Variants in CUX1 observed in about 807,000 individuals in gnomAD.
CUX1 encodes the protein cut like homeobox 1.
CUX1 carries 31 observed loss-of-function variants against 158.8 expected under a neutral mutation model. That is an observed-to-expected ratio of 0.20 (90% CI 0.15 to 0.26). The LOEUF is 0.26. Ranked by LOEUF, CUX1 falls within the 10% of genes least tolerant of loss-of-function variation. CUX1 has a pLI of 1.00. For missense variants in CUX1, 1,589 were observed against 2,014.6 expected, an observed-to-expected ratio of 0.79 and a Z score of 4.04; for synonymous variants, 879 against 862.1, an observed-to-expected ratio of 1.02 and a Z score of -0.34.
At chr7:102,157,813 A>G (rs1789943001) in intron 8 of CUX1, among the ~76,000 whole-genome samples, 1 of 152,138 alleles carries the variant, frequency 6.6e-6, no homozygotes, top group Non-Finnish European at 1.5e-5. Context: ...CACTCTCCGC[A>G]TTCCTCTCTC....
intron 3 of CUX1, among the ~76,000 whole-genome samples, chr7:102,031,778 G>A (rs1820821406): frequency 6.6e-6 from 1 of 152,078 alleles, no homozygotes; most frequent in Non-Finnish European, 1.5e-5. Context: ...TCTTTTTCAT[G>A]TGTGTGGCAG....
intron 8 of CUX1, among the ~76,000 whole-genome samples, chr7:102,130,166 G>T (rs947906617): frequency 6.6e-6 from 1 of 152,158 alleles, no homozygotes; most frequent in Non-Finnish European, 1.5e-5. Context: ...CTTTCAGCCA[G>T]TGCTGAGTTC....
intron 20 of CUX1, among the ~76,000 whole-genome samples, chr7:102,215,748 G>T (rs1796984950): frequency 6.6e-6 from 1 of 152,222 alleles, no homozygotes; most frequent in Admixed American, 6.5e-5. Flanking sequence ...GTGGAAGACA[G>T]GAGGCACCCC....
intron 6 of CUX1, among the ~76,000 whole-genome samples, chr7:102,107,244 A>C (rs782119094): frequency 1.3e-5 from 2 of 149,332 alleles, no homozygotes; most frequent in African/African-American, 5.0e-5. Flanking sequence ...AAAAAAGAAA[A>C]GAAAAGAAAA....
Position 102,157,089 on chromosome 7 carries a change from G to A in CUX1, c.675-1471G>A, listed in dbSNP as rs151178672. ...TGCCGAGGAAGGCCTGGCTCTTTGG[G>A]GTCCCGCACGAGATGGGAGTTGTTA... On this transcript the variant is annotated intron_variant, in intron 8 of 23. Coordinates refer to ENST00000292535, the MANE Select transcript of CUX1 (RefSeq NM_181552.4). 4.5e-4 allele frequency among the ~76,000 whole-genome samples: 68 copies of A among 152,318 alleles called. No individual in the cohort carries two copies. In the East Asian group the frequency reaches 9.8e-3, roughly 22 times the overall value.
chr7:102,251,079 G>C lies in CUX1; in HGVS notation c.*2037G>C. ...AGGGATAGACTGCCGGCAGTATTGG[G>C]TATAATTTACAAGATGTAGTTGTCA... On this transcript the variant is annotated 3_prime_UTR_variant, in exon 24 of 24. Coordinates refer to ENST00000292535, the MANE Select transcript of CUX1 (RefSeq NM_181552.4). The C allele has an allele frequency of 5.1e-6, 5 of 985,194 alleles. No homozygotes were observed. Among genetic ancestry groups the C allele is most frequent in the African/African-American group, 1.7e-5 (1 of 57,288 alleles). 61.0% of individuals were successfully genotyped at this position (985,194 alleles called of 1,614,324 possible).
At chr7:102,260,985 T>G (rs78295173), downstream of CUX1, among the ~76,000 whole-genome samples, 1,063 of 152,352 alleles carry the variant, frequency 7.0e-3, 13 homozygotes, top group African/African-American at 0.024. Context: ...TGGGCCTGCA[T>G]GTACGGACCC....
intron 9 of CUX1, among the ~76,000 whole-genome samples, chr7:102,159,207 CGGTGTTAT>C (rs1790130735): frequency 1.3e-5 from 2 of 151,156 alleles, no homozygotes; most frequent in Non-Finnish European, 3.0e-5. Flanking sequence ...CATCTCACCA[CGGTGTTAT>C]CCTAGGAGAG....
chr7:102,182,861 T>G (rs1479192792), intron 11 of CUX1, among the ~76,000 whole-genome samples: 5 of 152,174 alleles, frequency 3.3e-5, no homozygotes, highest in Non-Finnish European at 7.4e-5. Context: ...AAATAGATAT[T>G]TATAAGAAAG....
intron 4 of CUX1, among the ~76,000 whole-genome samples, chr7:102,092,035 C>T (rs780896168): frequency 6.6e-6 from 1 of 152,238 alleles, no homozygotes; most frequent in African/African-American, 2.4e-5. Context: ...GGATTACAGG[C>T]GTGCGCCATG....
chr7:101,910,799 T>C (rs1803346658), intron 1 of CUX1, among the ~76,000 whole-genome samples: 1 of 151,598 alleles, frequency 6.6e-6, no homozygotes, highest in African/African-American at 2.4e-5. Flanking sequence ...GTTATTTAAA[T>C]ACTTATTTGG....
chr7:101,820,034 A>G (rs756830841), intron 1 of CUX1, among the ~76,000 whole-genome samples: 1 of 152,226 alleles, frequency 6.6e-6, no homozygotes, highest in Non-Finnish European at 1.5e-5. Context: ...CTGTTTTTGT[A>G]CAATTAAGAC....
intron 4 of CUX1, among the ~76,000 whole-genome samples, chr7:102,093,357 T>C (rs1554482967): frequency 6.6e-6 from 1 of 152,144 alleles, no homozygotes; most frequent in African/African-American, 2.4e-5. Flanking sequence ...GGCTAATTTT[T>C]GTATTTTTTC....
Position 102,253,856 on chromosome 7 carries a change from T to C in CUX1, c.*4814T>C, listed in dbSNP as rs1379027030. ...TGGTACTTTAGGCTGGAGGTTTGGC[T>C]CCTGTGCTGCCGGTGGGGGGCCCTG... On this transcript the variant is annotated 3_prime_UTR_variant, in exon 24 of 24. Coordinates refer to ENST00000292535, the MANE Select transcript of CUX1 (RefSeq NM_181552.4). The C allele has an allele frequency of 8.1e-6, 8 of 985,742 alleles. No homozygotes were observed. Among genetic ancestry groups the C allele is most frequent in the Non-Finnish European group, 9.6e-6 (8 of 830,304 alleles). The allele number at this position is 985,742 out of a possible 1,614,324, so 61.1% of individuals were successfully genotyped here. A position where few individuals can be genotyped will look rare whatever the true frequency, so the allele number is the denominator to read the frequency against.
intron 1 of CUX1, among the ~76,000 whole-genome samples, chr7:101,829,563 C>G (rs1446877317): frequency 6.6e-6 from 1 of 152,036 alleles, no homozygotes; most frequent in Non-Finnish European, 1.5e-5. Flanking sequence ...CTAGACAACC[C>G]TCAGCCGAAG....
At chr7:101,986,726 G>A (rs1338161862) in intron 2 of CUX1, among the ~76,000 whole-genome samples, 1 of 152,214 alleles carries the variant, frequency 6.6e-6, no homozygotes. Context: ...AGAGGAAATG[G>A]ACCGTAAGGA....
At chr7:102,116,599 G>A (rs1308074348) in intron 8 of CUX1, among the ~76,000 whole-genome samples, 2 of 152,162 alleles carry the variant, frequency 1.3e-5, no homozygotes, top group East Asian at 1.9e-4. Flanking sequence ...AGCTGTGATC[G>A]TACCAGTGCA....
At chr7:101,817,092 G>C, upstream of CUX1, 2 of 984,628 alleles carry the variant, frequency 2.0e-6, no homozygotes, top group Non-Finnish European at 2.4e-6. This position sits in a 1 kb window ranked among gnomAD's most constrained non-coding sequence, Gnocchi z 4.1. Context: ...TGCCCCGCGC[G>C]CAGTGTCGCT....
chr7:102,091,275 A>C (rs1179628675), intron 4 of CUX1, among the ~76,000 whole-genome samples: 1 of 152,152 alleles, frequency 6.6e-6, no homozygotes, highest in Non-Finnish European at 1.5e-5. Flanking sequence ...GCCATTTACC[A>C]TCACAAAACA....
Sources: gnomAD v4.1 joint callset for allele counts (sites outside exome capture counted in the v4.1 genomes callset) on GRCh38, gnomAD v4.1.1 for gene constraint, Gnocchi (gnomAD v3.1) non-coding constraint, MANE v1.5 for transcripts, NCBI Gene and HGNC (gene_info 2026-07-23, HGNC 2026-07-21) for gene names.